The following ADTRP variants were observed in gnomAD, a reference collection of about 807,000 sequenced individuals.
ADTRP encodes the protein androgen-dependent TFPI-regulating protein.
A neutral mutation model predicts 27.0 loss-of-function variants in ADTRP; 20 were observed. The observed-to-expected ratio is 0.74, with a 90% CI of 0.52 to 1.08. The LOEUF (loss-of-function observed/expected upper bound fraction) is 1.08. Among genes scored for constraint, ADTRP ranks in the 50% least tolerant of loss-of-function variants. The pLI is 0.00. For missense variants in ADTRP, 251 were observed against 275.0 expected (o/e 0.91, Z 0.62); for synonymous variants, 101 against 105.2 (o/e 0.96, Z 0.25).
chr6:11,725,271 C>A (rs1762151632), intron 4 of ADTRP, among the ~76,000 whole-genome samples: 1 of 152,148 alleles, frequency 6.6e-6, no homozygotes, highest in African/African-American at 2.4e-5. Flanking sequence ...CTAATCATAT[C>A]TCTAATAAGG....
intron 4 of ADTRP, among the ~76,000 whole-genome samples, chr6:11,731,964 AT>A (rs1039602273): frequency 6.6e-6 from 1 of 151,982 alleles, no homozygotes; most frequent in Non-Finnish European, 1.5e-5. Context: ...GAACATTTCT[AT>A]TTTTTTGCTC....
chr6:11,717,941 TC>T (rs1311925368), intron 5 of ADTRP, among the ~76,000 whole-genome samples: 1 of 152,262 alleles, frequency 6.6e-6, no homozygotes, highest in African/African-American at 2.4e-5. Flanking sequence ...ATGATAAAAT[TC>T]TTTTGCTATG....
In ADTRP at chr6:11,720,901, C is replaced by T. The variant is rs150186692; in HGVS notation, c.658+2448G>A. Among the ~76,000 whole-genome samples the T allele has an allele frequency of 1.2e-3, 183 of 152,286 alleles. 3 individuals are homozygous for T. Among genetic ancestry groups the T allele is most frequent in the African/African-American group, 4.2e-3 (175 of 41,524 alleles). Reference sequence around the variant, plus strand: ...CAGAACACCTTTGCAAAAAGTTGTACTTTACACCTAGGAAAAAAGGCCCTT... The same window carrying T: ...CAGAACACCTTTGCAAAAAGTTGTATTTTACACCTAGGAAAAAAGGCCCTT... On this transcript the variant is annotated intron_variant, in intron 5 of 5. Transcript: ENST00000414691.
chr6:11,716,701 T>TTTC (rs1761836449), intron 5 of ADTRP, among the ~76,000 whole-genome samples: 1 of 136,154 alleles, frequency 7.3e-6, no homozygotes, highest in Non-Finnish European at 1.6e-5. Flanking sequence ...TGACCATGCT[T>TTTC]TTTTTCTTTT....
intron 3 of ADTRP, among the ~76,000 whole-genome samples, chr6:11,765,319 GTTTGTTTTTT>G (rs1407201719): frequency 8.9e-6 from 1 of 112,526 alleles, no homozygotes; most frequent in African/African-American, 3.3e-5. Flanking sequence ...CTTTCCCCTG[GTTTGTTTTTT>G]TTTTTTTTTT....
intron 3 of ADTRP, among the ~76,000 whole-genome samples, chr6:11,761,146 G>T (rs550072229): frequency 1.3e-5 from 2 of 152,152 alleles, no homozygotes; most frequent in African/African-American, 4.8e-5. Context: ...TCCTGTGGCT[G>T]TTTCCTTCAC....
intron 4 of ADTRP, among the ~76,000 whole-genome samples, chr6:11,729,284 A>C (rs760248198): frequency 1.1e-4 from 17 of 152,128 alleles, no homozygotes; most frequent in Non-Finnish European, 2.1e-4. Flanking sequence ...GTGTTAGTCA[A>C]ATAGTTTACC....
At chr6:11,742,197 A>G (rs1373972441) in intron 3 of ADTRP, among the ~76,000 whole-genome samples, 1 of 152,130 alleles carries the variant, frequency 6.6e-6, no homozygotes, top group Non-Finnish European at 1.5e-5. Flanking sequence ...TCTGTCCACT[A>G]TCTATACACC....
intron 3 of ADTRP, among the ~76,000 whole-genome samples, chr6:11,763,602 T>C (rs978375898): frequency 2.6e-5 from 4 of 152,202 alleles, no homozygotes; most frequent in Admixed American, 6.5e-5. Flanking sequence ...TTCCCAGAAT[T>C]GTATTCCTTC....
At chr6:11,770,140 A>G in intron 1 of ADTRP, 1 of 1,495,232 alleles carries the variant, frequency 6.7e-7, no homozygotes, top group Non-Finnish European at 9.1e-7. Flanking sequence ...GTTCAGATAA[A>G]GCATTGTGGG....
At chr6:11,766,214 G>A in intron 3 of ADTRP, 60 bp downstream of exon 3, 1 of 1,261,732 alleles carries the variant, frequency 7.9e-7, no homozygotes, top group South Asian at 1.4e-5. Flanking sequence ...AAGGCACTGT[G>A]GAGTTTTCAG....
chr6:11,759,967 G>A (rs1308028835), intron 3 of ADTRP, among the ~76,000 whole-genome samples: 1 of 152,142 alleles, frequency 6.6e-6, no homozygotes, highest in African/African-American at 2.4e-5. Flanking sequence ...CTGCCTGGAA[G>A]AAGTAAGGAA....
intron 3 of ADTRP, among the ~76,000 whole-genome samples, chr6:11,765,657 C>T (rs1422153648): frequency 2.0e-5 from 3 of 151,992 alleles, no homozygotes; most frequent in South Asian, 2.1e-4. Context: ...CTCCTCCAAC[C>T]GAGACCTGGC....
chr6:11,741,338 A>C (rs1277390551), intron 3 of ADTRP, among the ~76,000 whole-genome samples: 1 of 152,244 alleles, frequency 6.6e-6, no homozygotes, highest in African/African-American at 2.4e-5. Context: ...GTGGTAGGTG[A>C]CCCAGCTGTT....
intron 4 of ADTRP, among the ~76,000 whole-genome samples, chr6:11,724,275 C>G (rs1475018593): frequency 6.6e-6 from 1 of 152,124 alleles, no homozygotes; most frequent in African/African-American, 2.4e-5. Context: ...TTTCCCTTAG[C>G]TCTCCAAGTC....
intron 1 of ADTRP, among the ~76,000 whole-genome samples, chr6:11,777,914 T>A (rs1003479990): frequency 2.0e-5 from 3 of 151,936 alleles, no homozygotes; most frequent in Non-Finnish European, 4.4e-5. Flanking sequence ...AGTATTTTTT[T>A]AAGCTATTCC....
At chr6:11,737,868 C>T (rs210892) in intron 3 of ADTRP, among the ~76,000 whole-genome samples, 31,141 of 152,140 alleles carry the variant, frequency 0.2, 5,835 homozygotes, top group East Asian at 0.66. Context: ...AGGCCCCCGT[C>T]GCACCTTGCA....
chr6:11,735,727 G>A lies in ADTRP; in HGVS notation c.391-44C>T, dbSNP rs183568974. On this transcript the variant is annotated intron_variant, in intron 3 of 5. Transcript: ENST00000414691. ...CAAATCAGAATGGCAGGGTGTCCAG[G>A]GTGCCTACAGTGCCCATAATTCTCT... 1.0e-5 allele frequency: 14 copies of A among 1,355,628 alleles called. No individual in the cohort carries two copies. In the East Asian group the frequency reaches 3.0e-4, roughly 29 times the overall value. The allele number at this position is 1,355,628 out of a possible 1,614,324, so 84.0% of individuals were successfully genotyped here.
In ADTRP at chr6:11,768,270, A is replaced by G; in HGVS notation, c.267T>C (p.Thr89=). The G allele has an allele frequency of 6.2e-7, 1 of 1,614,238 alleles. No homozygotes were observed. Among genetic ancestry groups the G allele is most frequent in the Non-Finnish European group, 8.5e-7 (1 of 1,180,040 alleles). Residue 89 remains threonine (T), a synonymous_variant, in exon 2 of 6, where the codon ACT becomes ACC. Coordinates refer to ENST00000414691, the MANE Select transcript of ADTRP (RefSeq NM_032744.4). ...TTACCGTGGATACAGGAAAAGCCAG[A>G]GTGGTGAAAAGCAGGTCTCTGAAGG... ...LTAFRDLLFT[T]LAFPVSTFVF...
Sources: allele counts gnomAD v4.1 joint callset (sites outside exome capture counted in the v4.1 genomes callset), GRCh38; gene constraint gnomAD v4.1.1; transcripts MANE v1.5; gene names NCBI Gene and HGNC (gene_info 2026-07-23, HGNC 2026-07-21).